HS6ST2: variants seen among roughly 807,000 people sequenced by gnomAD.
HS6ST2 encodes the protein heparan sulfate 6-O-sulfotransferase 2.
HS6ST2 carries 17 observed loss-of-function variants against 33.0 expected under a neutral mutation model. That is an observed-to-expected ratio of 0.52 (90% confidence interval 0.35 to 0.77). HS6ST2 has a LOEUF of 0.77. HS6ST2 is among the 30% of genes least tolerant of loss of function. HS6ST2 has a pLI of 0.01. For synonymous variants in HS6ST2, 248 were observed against 237.1 expected (o/e 1.05, Z -0.42); for missense variants, 519 against 551.7 (o/e 0.94, Z 0.59).
chrX:132,760,864 G>A (rs891905897), intron 2 of HS6ST2, among the ~76,000 whole-genome samples: 3 of 111,188 alleles, frequency 2.7e-5, no homozygotes, highest in Non-Finnish European at 5.7e-5. Context: ...GGCCAAAGGC[G>A]TTACACTTTT....
chrX:132,643,211 A>T (rs926296239), intron 4 of HS6ST2, among the ~76,000 whole-genome samples: 15 of 110,158 alleles, frequency 1.4e-4, no homozygotes, highest in East Asian at 2.8e-4. Flanking sequence ...TTTTTTTTTT[A>T]AAGGGGCACT....
chrX:132,708,852 A>G (rs983187306), intron 2 of HS6ST2, among the ~76,000 whole-genome samples: 1 of 111,832 alleles, frequency 8.9e-6, no homozygotes, highest in African/African-American at 3.3e-5. Context: ...CCCAAACCAA[A>G]CCCAACCCTG....
At chrX:132,804,757 C>G (rs185735574) in intron 2 of HS6ST2, among the ~76,000 whole-genome samples, 184 of 111,481 alleles carry the variant, frequency 1.7e-3, no homozygotes, top group African/African-American at 5.8e-3. Context: ...CGAGATCAAA[C>G]CACTACACTC....
chrX:132,848,065 G>T (rs2065769031), intron 2 of HS6ST2, among the ~76,000 whole-genome samples: 2 of 112,066 alleles, frequency 1.8e-5, no homozygotes, highest in Admixed American at 9.4e-5. Context: ...ACTTTCAAGG[G>T]ATCTTCCAGC....
At chrX:132,829,762 A>G (rs1569495266) in intron 2 of HS6ST2, among the ~76,000 whole-genome samples, 2 of 111,842 alleles carry the variant, frequency 1.8e-5, no homozygotes, top group Non-Finnish European at 3.8e-5. Context: ...GGTGATGGTG[A>G]AACAAATCAC....
intron 2 of HS6ST2, among the ~76,000 whole-genome samples, chrX:132,709,841 A>ACACACACAC (rs1569482883): frequency 9.1e-6 from 1 of 109,876 alleles, no homozygotes; most frequent in Non-Finnish European, 1.9e-5. Context: ...ACACACACAC[A>ACACACACAC]AGAAAATATT....
intron 2 of HS6ST2, among the ~76,000 whole-genome samples, chrX:132,937,989 C>T (rs2066843662): frequency 9.2e-6 from 1 of 108,354 alleles, no homozygotes; most frequent in Admixed American, 9.9e-5. Context: ...TAGTGAGACC[C>T]CATCTCTACA....
rs867696151 is a variant in HS6ST2, at chrX:132,628,395, G to A, written c.1766C>T (p.Pro589Leu). The change falls in exon 5 of 5, where the codon CCA becomes CTA. Residue 589 changes from proline (P) to leucine (L), a missense_variant. Pro to Leu is a moderately conservative substitution (Grantham distance 98). Coordinates refer to ENST00000370833, the MANE Select transcript of HS6ST2 (RefSeq NM_001394073.1). ...CAGGTTCTGATTGGCATTCGGATTT[G>A]GGTTCTGACTCTGATTCTGATTCGG... is the stretch of plus-strand genomic sequence containing the variant. ...QNPNQNQSQN[P>L]NPNANQNLTQ... 13 of 1,188,940 alleles carry A rather than the reference G, an allele frequency of 1.1e-5. No homozygotes were observed. The African/African-American group carries it at 2.3e-4, about 21-fold the overall frequency.
intron 2 of HS6ST2, among the ~76,000 whole-genome samples, chrX:132,800,321 C>T (rs1445510206): frequency 9.0e-6 from 1 of 111,602 alleles, no homozygotes; most frequent in African/African-American, 3.3e-5. Flanking sequence ...CTGTCACTGT[C>T]TCCCATCACC....
At chrX:132,905,071 A>G (rs2066459319) in intron 2 of HS6ST2, among the ~76,000 whole-genome samples, 1 of 111,027 alleles carries the variant, frequency 9.0e-6, no homozygotes, top group African/African-American at 3.3e-5. Flanking sequence ...TCCCATATTT[A>G]TTTATTTATT....
At chrX:132,800,502 CT>C (rs943155149) in intron 2 of HS6ST2, among the ~76,000 whole-genome samples, 2 of 111,403 alleles carry the variant, frequency 1.8e-5, no homozygotes, top group African/African-American at 6.5e-5. Context: ...CTCCCACCCC[CT>C]AAGCCCATGG....
chrX:132,719,375 C>G (rs1030597048), intron 2 of HS6ST2, among the ~76,000 whole-genome samples: 3 of 111,973 alleles, frequency 2.7e-5, no homozygotes, highest in Non-Finnish European at 3.8e-5. Flanking sequence ...AAAATGAACG[C>G]AGCAATCTAT....
chrX:132,879,376 T>G (rs1317357722), intron 2 of HS6ST2, among the ~76,000 whole-genome samples: 1 of 111,995 alleles, frequency 8.9e-6, no homozygotes, highest in Non-Finnish European at 1.9e-5. Context: ...GAAAGCTTGT[T>G]CTAAACTGTA....
chrX:132,825,502 G>C (rs935367679), intron 2 of HS6ST2, among the ~76,000 whole-genome samples: 1 of 111,276 alleles, frequency 9.0e-6, no homozygotes, highest in Non-Finnish European at 1.9e-5. Flanking sequence ...TGCTTCCAAC[G>C]TTCTCAGGAG....
chrX:132,795,529 T>C (rs1036723604), intron 2 of HS6ST2, among the ~76,000 whole-genome samples: 1 of 112,037 alleles, frequency 8.9e-6, no homozygotes, highest in African/African-American at 3.2e-5. Flanking sequence ...GCTGTGATCC[T>C]TTAGTGAAAT....
intron 2 of HS6ST2, among the ~76,000 whole-genome samples, chrX:132,803,177 C>T (rs939010989): frequency 3.4e-4 from 38 of 111,457 alleles, no homozygotes; most frequent in Middle Eastern, 4.3e-3. Context: ...CCTTATTGGC[C>T]CCCTACTAGT....
chrX:132,742,436 C>A (rs1418668539), intron 2 of HS6ST2, among the ~76,000 whole-genome samples: 1 of 111,413 alleles, frequency 9.0e-6, no homozygotes, highest in Non-Finnish European at 1.9e-5. Context: ...GGTTCCAGAC[C>A]CCAAGACCAT....
At chrX:132,886,021 A>C (rs73239340) in intron 2 of HS6ST2, among the ~76,000 whole-genome samples, 245 of 111,586 alleles carry the variant, frequency 2.2e-3, no homozygotes, top group Non-Finnish European at 4.0e-3. Context: ...GTGAGTTTTG[A>C]ACAAAAAATT....
intron 2 of HS6ST2, among the ~76,000 whole-genome samples, chrX:132,785,089 G>A (rs1018118411): frequency 1.2e-4 from 13 of 112,312 alleles, no homozygotes; most frequent in African/African-American, 4.2e-4. Context: ...CACATTGACA[G>A]CTAACAATGT....
Sources: gnomAD v4.1 joint callset for allele counts (sites outside exome capture counted in the v4.1 genomes callset) on GRCh38, gnomAD v4.1.1 for gene constraint, MANE v1.5 for transcripts, NCBI Gene and HGNC (gene_info 2026-07-23, HGNC 2026-07-21) for gene names.